Variants in CTNNA3 observed in about 807,000 individuals in gnomAD.
CTNNA3 encodes catenin alpha-3.
A neutral mutation model predicts 95.7 loss-of-function variants in CTNNA3; 76 were observed. That is an observed-to-expected ratio of 0.79 (90% CI 0.66 to 0.96). CTNNA3 has a LOEUF of 0.96. Ranked by LOEUF, CTNNA3 falls within the 40% of genes least tolerant of loss-of-function variation. CTNNA3 has a pLI of 0.00. For missense variants in CTNNA3, 1,191 were observed against 1,089.8 expected, an observed-to-expected ratio of 1.09 and a Z score of -1.31; for synonymous variants, 431 against 374.4, an observed-to-expected ratio of 1.15 and a Z score of -1.74.
intron 7 of CTNNA3, among the ~76,000 whole-genome samples, chr10:67,102,952 A>T (rs1023283190): frequency 4.0e-5 from 6 of 151,810 alleles, no homozygotes; most frequent in Non-Finnish European, 7.4e-5. Context: ...GTAAGACAAC[A>T]TGGATGGATA....
chr10:66,961,339 A>G (rs1164083052), intron 7 of CTNNA3, among the ~76,000 whole-genome samples: 1 of 152,108 alleles, frequency 6.6e-6, no homozygotes, highest in East Asian at 1.9e-4. Flanking sequence ...TAAACTCCAC[A>G]TTGCTCAGTC....
intron 5 of CTNNA3, among the ~76,000 whole-genome samples, chr10:67,359,295 A>T (rs1342017885): frequency 6.6e-6 from 1 of 152,024 alleles, no homozygotes; most frequent in Non-Finnish European, 1.5e-5. Context: ...GGTGAGAAGA[A>T]ATCAGTACAA....
At chr10:67,536,987 C>T (rs550198087) in intron 4 of CTNNA3, among the ~76,000 whole-genome samples, 147 of 152,130 alleles carry the variant, frequency 9.7e-4, no homozygotes, top group African/African-American at 3.3e-3. Context: ...GAGGATGAAA[C>T]CATGAAAAAC....
At chr10:67,699,770 C>T (rs940772885), upstream of CTNNA3, among the ~76,000 whole-genome samples, 7 of 152,162 alleles carry the variant, frequency 4.6e-5, no homozygotes, top group East Asian at 1.9e-4. Flanking sequence ...AGACAGTGGG[C>T]GCAGGACAGT....
At chr10:66,232,747 G>A (rs1293776299) in intron 13 of CTNNA3, among the ~76,000 whole-genome samples, 2 of 152,140 alleles carry the variant, frequency 1.3e-5, no homozygotes, top group South Asian at 2.1e-4. Flanking sequence ...TTATTACAAA[G>A]TTGACCTTGA....
At chr10:67,733,965 C>G (rs1031179389) in intron 1 of CTNNA3, among the ~76,000 whole-genome samples, 48 of 152,276 alleles carry the variant, frequency 3.2e-4, no homozygotes, top group African/African-American at 1.2e-3. Flanking sequence ...CAAATTTTCA[C>G]AAAATACTTA....
intron 12 of CTNNA3, among the ~76,000 whole-genome samples, chr10:66,343,043 C>G (rs1383982143): frequency 6.6e-6 from 1 of 151,948 alleles, no homozygotes; most frequent in African/African-American, 2.4e-5. Context: ...GATGCAAAAC[C>G]AGTCATTGGC....
intron 7 of CTNNA3, among the ~76,000 whole-genome samples, chr10:66,992,050 G>A (rs980897954): frequency 2.6e-5 from 4 of 151,984 alleles, no homozygotes; most frequent in East Asian, 1.9e-4. Flanking sequence ...CTTTGTGAAC[G>A]TCAACAATTA....
At chr10:67,117,683 G>T (rs1247718423) in intron 7 of CTNNA3, among the ~76,000 whole-genome samples, 1 of 151,920 alleles carries the variant, frequency 6.6e-6, no homozygotes, top group African/African-American at 2.4e-5. Context: ...CAATTATAAA[G>T]CCATGGTGAT....
At position 67,614,113 on chromosome 10, in the gene CTNNA3, C is replaced by T. The variant is rs376624427; in HGVS notation, c.100-7064G>A. 2.5e-4 allele frequency among the ~76,000 whole-genome samples: 38 copies of T among 152,274 alleles called. No homozygotes were observed. In the East Asian group the frequency reaches 3.9e-3, roughly 15 times the overall value. ...GCCAGCTTTTATTCCCTTATTTGTC[C>T]CCGCCCATGTCCTGCTGATTGGTCC... On this transcript the variant is annotated intron_variant, in intron 2 of 17. Coordinates refer to ENST00000433211, the MANE Select transcript of CTNNA3 (RefSeq NM_013266.4).
At chr10:66,014,971 C>T (rs1004598991) in intron 15 of CTNNA3, among the ~76,000 whole-genome samples, 24 of 151,850 alleles carry the variant, frequency 1.6e-4, no homozygotes, top group African/African-American at 4.8e-4. Flanking sequence ...GGCATGGTGG[C>T]GCACGCCTGT....
At position 66,313,184 on chromosome 10, in the gene CTNNA3, C is replaced by A. The variant is rs377483582; in HGVS notation, c.1733-32563G>T. On this transcript the variant is annotated intron_variant, in intron 12 of 17. Coordinates refer to ENST00000433211, the MANE Select transcript of CTNNA3 (RefSeq NM_013266.4). ...TCTGCATGGCATATAGCCTTTAGTT[C>A]TGACAAAAAGTCCTATGATGTGGGT... Among the ~76,000 whole-genome samples, 5 of 152,246 alleles carry A rather than the reference C, an allele frequency of 3.3e-5. No individual in the cohort carries two copies. In the South Asian group the frequency reaches 8.3e-4, roughly 25 times the overall value.
chr10:66,853,493 C>T (rs1843571335), intron 7 of CTNNA3, among the ~76,000 whole-genome samples: 2 of 152,072 alleles, frequency 1.3e-5, no homozygotes, highest in African/African-American at 4.8e-5. Context: ...ATAACACTAA[C>T]TTAAAACAAA....
chr10:66,408,973 G>A (rs1479120023), intron 11 of CTNNA3, among the ~76,000 whole-genome samples: 2 of 152,108 alleles, frequency 1.3e-5, no homozygotes, highest in East Asian at 3.9e-4. Flanking sequence ...ACTTCAAAGA[G>A]CATTGGCATA....
At chr10:67,032,269 T>C (rs1328831544) in intron 7 of CTNNA3, among the ~76,000 whole-genome samples, 8 of 152,172 alleles carry the variant, frequency 5.3e-5, no homozygotes, top group Admixed American at 3.9e-4. Context: ...TTCATTGCTT[T>C]TTTTTTGTTT....
intron 7 of CTNNA3, among the ~76,000 whole-genome samples, chr10:67,010,497 C>T (rs1852249249): frequency 6.6e-6 from 1 of 152,186 alleles, no homozygotes; most frequent in Non-Finnish European, 1.5e-5. Flanking sequence ...TCATAGTCCC[C>T]AGATGGCTGC....
intron 7 of CTNNA3, among the ~76,000 whole-genome samples, chr10:67,081,799 A>G (rs1857073045): frequency 6.6e-6 from 1 of 152,148 alleles, no homozygotes; most frequent in African/African-American, 2.4e-5. Context: ...TCAGCTCAAG[A>G]GTCTCCCCTC....
At chr10:66,715,996 T>G (rs904140667) in intron 9 of CTNNA3, among the ~76,000 whole-genome samples, 2 of 152,140 alleles carry the variant, frequency 1.3e-5, no homozygotes, top group African/African-American at 4.8e-5. Context: ...GAATATCACA[T>G]TTTAATTTCA....
At chr10:67,692,866 A>C (rs1158432403) in intron 1 of CTNNA3, among the ~76,000 whole-genome samples, 1 of 152,162 alleles carries the variant, frequency 6.6e-6, no homozygotes, top group East Asian at 1.9e-4. Flanking sequence ...TACATTTTGA[A>C]CAGTGCTAAT....
Sources: gnomAD v4.1 joint callset for allele counts (sites outside exome capture counted in the v4.1 genomes callset) on GRCh38, gnomAD v4.1.1 for gene constraint, MANE v1.5 for transcripts, NCBI Gene and HGNC (gene_info 2026-07-23, HGNC 2026-07-21) for gene names.